VEPH1: variants seen among roughly 807,000 people sequenced by gnomAD.
VEPH1 encodes ventricular zone-expressed PH domain-containing protein homolog 1.
VEPH1 carries 80 observed loss-of-function variants against 85.2 expected under a neutral mutation model. That is an observed-to-expected ratio of 0.94 (90% CI 0.78 to 1.13). The LOEUF is 1.13. Among genes scored for constraint, VEPH1 ranks in the 50% most tolerant of loss-of-function variants. The probability of loss-of-function intolerance (pLI) is 0.00; values close to 1 mark genes in which losing one functional copy is unlikely to be tolerated. For missense variants in VEPH1, 955 were observed against 980.5 expected, an observed-to-expected ratio of 0.97 and a Z score of 0.35; for synonymous variants, 297 against 348.0, an observed-to-expected ratio of 0.85 and a Z score of 1.63.
chr3:157,461,791 A>T (rs1291541586), intron 3 of VEPH1, among the ~76,000 whole-genome samples: 1 of 152,140 alleles, frequency 6.6e-6, no homozygotes, highest in African/African-American at 2.4e-5. Flanking sequence ...TAGATTGCAG[A>T]TCTAAAGGTG....
At chr3:157,430,211 G>T (rs1733037336) in intron 4 of VEPH1, among the ~76,000 whole-genome samples, 1 of 151,950 alleles carries the variant, frequency 6.6e-6, no homozygotes, top group African/African-American at 2.4e-5. Context: ...CATCCTAAAG[G>T]GAGTATTTAT....
At chr3:157,434,038 T>C (rs920500988) in intron 4 of VEPH1, among the ~76,000 whole-genome samples, 17 of 152,210 alleles carry the variant, frequency 1.1e-4, no homozygotes, top group African/African-American at 1.7e-4. Context: ...CAACCTTTGG[T>C]TTATATTTTT....
intron 6 of VEPH1, among the ~76,000 whole-genome samples, chr3:157,406,840 G>T (rs1024455071): frequency 6.6e-6 from 1 of 152,078 alleles, no homozygotes. Context: ...GGAGGGGCAT[G>T]GTAATGAAGT....
chr3:157,352,196 G>C (rs1329509650), intron 9 of VEPH1, among the ~76,000 whole-genome samples: 2 of 152,012 alleles, frequency 1.3e-5, no homozygotes, highest in Admixed American at 6.5e-5. Flanking sequence ...TGACCACTAG[G>C]GTGCTCAGAA....
At chr3:157,472,082 T>C (rs536467282) in intron 2 of VEPH1, among the ~76,000 whole-genome samples, 8 of 152,332 alleles carry the variant, frequency 5.3e-5, no homozygotes, top group South Asian at 4.1e-4. Context: ...CAAATCCTTA[T>C]GTTTATACAG....
At chr3:157,384,817 G>C (rs1478536126) in intron 6 of VEPH1, among the ~76,000 whole-genome samples, 1 of 152,162 alleles carries the variant, frequency 6.6e-6, no homozygotes, top group Non-Finnish European at 1.5e-5. Context: ...AAGGGGGTTA[G>C]GAGATTCTGA....
intron 7 of VEPH1, among the ~76,000 whole-genome samples, chr3:157,367,264 C>CA (rs2071990220): frequency 6.6e-6 from 1 of 152,074 alleles, no homozygotes; most frequent in African/African-American, 2.4e-5. Flanking sequence ...TTCTTTCTGA[C>CA]ATATATATGA....
At chr3:157,494,277 G>T (rs1739470633) in intron 2 of VEPH1, among the ~76,000 whole-genome samples, 1 of 152,170 alleles carries the variant, frequency 6.6e-6, no homozygotes, top group South Asian at 2.1e-4. Context: ...GCACACATTT[G>T]CCAATTCAGT....
chr3:157,453,850 T>C (rs1392488757), intron 4 of VEPH1, among the ~76,000 whole-genome samples: 1 of 152,204 alleles, frequency 6.6e-6, no homozygotes, highest in Non-Finnish European at 1.5e-5. Context: ...CTGAGATATG[T>C]AGCCCCAACC....
intron 9 of VEPH1, among the ~76,000 whole-genome samples, chr3:157,325,346 A>C (rs1050769969): frequency 3.3e-5 from 5 of 152,202 alleles, no homozygotes; most frequent in African/African-American, 1.2e-4. Flanking sequence ...TAGTTTAATT[A>C]GATCTCATTT....
At chr3:157,278,473 C>T (rs1275274173) in intron 12 of VEPH1, among the ~76,000 whole-genome samples, 1 of 152,124 alleles carries the variant, frequency 6.6e-6, no homozygotes, top group Non-Finnish European at 1.5e-5. Context: ...CCATGTGAAA[C>T]CGTGAAGGAT....
At chr3:157,308,389 G>T (rs890788184) in intron 11 of VEPH1, among the ~76,000 whole-genome samples, 3 of 151,896 alleles carry the variant, frequency 2.0e-5, no homozygotes, top group Admixed American at 1.3e-4. Flanking sequence ...TTTTAAAAAG[G>T]ATTCGTTTCA....
At chr3:157,456,742 G>C (rs890043989) in intron 4 of VEPH1, among the ~76,000 whole-genome samples, 3 of 151,620 alleles carry the variant, frequency 2.0e-5, no homozygotes, top group Non-Finnish European at 4.4e-5. Flanking sequence ...GTGTGTTTTT[G>C]TACCCGTACC....
chr3:157,440,424 C>T (rs192896001), intron 4 of VEPH1, among the ~76,000 whole-genome samples: 1 of 152,232 alleles, frequency 6.6e-6, no homozygotes, highest in African/African-American at 2.4e-5. Context: ...GTTTACCACA[C>T]TTTTACATGG....
intron 12 of VEPH1, among the ~76,000 whole-genome samples, chr3:157,269,787 CTA>C (rs1714301381): frequency 1.3e-5 from 2 of 151,752 alleles, no homozygotes; most frequent in Admixed American, 1.3e-4. Flanking sequence ...AAACAAGAAA[CTA>C]TTTTTCTAAG....
chr3:157,363,666 G>C lies in VEPH1; in HGVS notation c.1433C>G (p.Ser478Cys). 8 of 1,614,144 alleles carry C rather than the reference G, an allele frequency of 5.0e-6. No individual in the cohort carries two copies. The highest frequency in any genetic ancestry group is 5.1e-6 in the Non-Finnish European group (6 of 1,180,022). Residue 478 changes from serine (S) to cysteine (C), a missense_variant, in exon 9 of 14, where the codon TCT becomes TGT. Transcript: ENST00000362010. ...ENRGDIPASI[S>C]LSEIDPLGQG... ...GCCAAGTGGGTCTATTTCTGAAAGA[G>C]AGATGCTGGCTGGTATGTCTCCCCT...
In VEPH1 at chr3:157,443,130, T is replaced by C. The variant is rs1427012072; in HGVS notation, c.530-14642A>G. ...CCAATCTTTATTTGTACTGGCCAAA[T>C]ACTGAATAAACAGTTGAAGGAAAGA... On this transcript the variant is annotated intron_variant, in intron 4 of 13. Transcript: ENST00000362010. 8.3e-5 allele frequency: 74 copies of C among 888,880 alleles called. 1 individual carries two copies. In the South Asian group the frequency reaches 1.5e-3, roughly 17 times the overall value. 55.1% of individuals were successfully genotyped at this position (888,880 alleles called of 1,614,324 possible). A position where few individuals can be genotyped will look rare whatever the true frequency, so the allele number is the denominator to read the frequency against.
Position 157,404,813 on chromosome 3 carries a change from T to A in VEPH1, c.906+9068A>T, listed in dbSNP as rs561266979. ...GGAAATAGTTGGAAGTCAAGTGATT[T>A]CAGTCTGAGGGCTACAGGCAGGGCA... On this transcript the variant is annotated intron_variant, in intron 6 of 13. Coordinates refer to ENST00000362010, the MANE Select transcript of VEPH1 (RefSeq NM_001167912.2). Among the ~76,000 whole-genome samples, 11 of 152,280 alleles carry A rather than the reference T, an allele frequency of 7.2e-5. No homozygotes were observed. In the East Asian group the frequency reaches 2.1e-3, roughly 29 times the overall value.
At chr3:157,401,071 G>A (rs1730756127) in intron 6 of VEPH1, among the ~76,000 whole-genome samples, 1 of 152,034 alleles carries the variant, frequency 6.6e-6, no homozygotes, top group East Asian at 1.9e-4. Flanking sequence ...GGGGACTTTA[G>A]AATTGAAAAA....
Sources: gnomAD v4.1 joint callset for allele counts (sites outside exome capture counted in the v4.1 genomes callset) on GRCh38, gnomAD v4.1.1 for gene constraint, MANE v1.5 for transcripts, NCBI Gene and HGNC (gene_info 2026-07-23, HGNC 2026-07-21) for gene names.